The following BOC variants were observed in gnomAD, a reference collection of about 807,000 sequenced individuals.
BOC encodes brother of CDO.
BOC carries 76 observed loss-of-function variants against 112.0 expected under a neutral mutation model. The observed-to-expected ratio is 0.68, with a 90% CI of 0.56 to 0.82. The LOEUF is 0.82. Ranked by LOEUF, BOC falls within the 40% of genes least tolerant of loss-of-function variation. The pLI, the probability that BOC is intolerant of heterozygous loss-of-function variation, is 0.00. For missense variants in BOC, 1,309 were observed against 1,511.7 expected, an observed-to-expected ratio of 0.87 and a Z score of 2.22; for synonymous variants, 580 against 599.8, an observed-to-expected ratio of 0.97 and a Z score of 0.48.
At chr3:113,270,671 C>A in intron 5 of BOC, 130 bp from the exon 6 acceptor site, 1 of 1,031,460 alleles carries the variant, frequency 9.7e-7, no homozygotes, top group Non-Finnish European at 1.4e-6. Context: ...TGTGGGGACT[C>A]AGGTGGACAT....
intron 2 of BOC, among the ~76,000 whole-genome samples, chr3:113,244,504 G>T (rs190140355): frequency 2.6e-5 from 4 of 152,210 alleles, no homozygotes; most frequent in Non-Finnish European, 5.9e-5. Context: ...CCAGATATTA[G>T]TCTAGAACTG....
At position 113,231,216 on chromosome 3, in the gene BOC, C is replaced by T. The variant is rs1422924849; in HGVS notation, c.-82+14942C>T. ...GGAGATAGCTTTTTTTCAAATTTGC[C>T]TTTTTAATTACAAAAGCGATGCTAC... On this transcript the variant is annotated intron_variant, in intron 2 of 19. Transcript: ENST00000682979. 2.6e-5 allele frequency among the ~76,000 whole-genome samples: 4 copies of T among 151,982 alleles called. 1 individual carries two copies. Among genetic ancestry groups the T allele is most frequent in the African/African-American group, 9.7e-5 (4 of 41,378 alleles).
At chr3:113,266,440 T>G (rs1266992435) in intron 4 of BOC, among the ~76,000 whole-genome samples, 3 of 152,334 alleles carry the variant, frequency 2.0e-5, no homozygotes, top group Middle Eastern at 6.8e-3. Flanking sequence ...CAAGAAACAT[T>G]GTATTTGCAA....
chr3:113,237,142 G>A (rs530174825), intron 2 of BOC, among the ~76,000 whole-genome samples: 7 of 152,248 alleles, frequency 4.6e-5, no homozygotes, highest in Non-Finnish European at 2.9e-5. Flanking sequence ...CTTAAGTGAT[G>A]GAACATCAGG....
chr3:113,263,429 T>G (rs528730394), intron 4 of BOC, among the ~76,000 whole-genome samples: 5 of 152,348 alleles, frequency 3.3e-5, no homozygotes, highest in African/African-American at 1.2e-4. Flanking sequence ...TATTGGTAAC[T>G]CCATGAAGCA....
chr3:113,239,110 CAA>C (rs2107794305), intron 2 of BOC, among the ~76,000 whole-genome samples: 1 of 152,190 alleles, frequency 6.6e-6, no homozygotes, highest in Admixed American at 6.5e-5. Context: ...CAGCATCAAA[CAA>C]AGTGTAAAAA....
intron 2 of BOC, among the ~76,000 whole-genome samples, chr3:113,221,062 G>A (rs182181740): frequency 6.6e-6 from 1 of 152,328 alleles, no homozygotes; most frequent in East Asian, 1.9e-4. Flanking sequence ...AACCAGACAA[G>A]CCTGGGTTTC....
At chr3:113,242,855 G>GA (rs34127652) in intron 2 of BOC, among the ~76,000 whole-genome samples, 1 of 152,044 alleles carries the variant, frequency 6.6e-6, no homozygotes, top group Non-Finnish European at 1.5e-5. Flanking sequence ...GTGCCAAGGG[G>GA]AAAAAATATA....
At chr3:113,271,109 T>C in intron 6 of BOC, 165 bp downstream of exon 6, 1 of 1,026,906 alleles carries the variant, frequency 9.7e-7, no homozygotes, top group Non-Finnish European at 1.5e-6. Flanking sequence ...AGGGATTCTC[T>C]CCCCTCTGGC....
chr3:113,272,392 C>A lies in BOC; in HGVS notation c.668-18C>A, dbSNP rs754040037. 3.1e-6 allele frequency: 5 copies of A among 1,609,424 alleles called. No individual in the cohort carries two copies. The East Asian group carries it at 8.9e-5, about 29-fold the overall frequency. Reference sequence around the variant, plus strand: ...CTGGTCCACACGCCTTCTGTCCTTGCCCTCCTTGCCCCTCCAGGCTCCACC... The same window carrying A: ...CTGGTCCACACGCCTTCTGTCCTTGACCTCCTTGCCCCTCCAGGCTCCACC... On this transcript the variant is annotated intron_variant, in intron 6 of 19. Transcript: ENST00000682979.
rs1295155905 is a variant in BOC at position 113,250,737 on chromosome 3, A to C, written c.280A>C (p.Thr94Pro). Residue 94 changes from threonine to proline, a missense_variant, in exon 4 of 20, where the codon ACT becomes CCT. Thr to Pro is a conservative substitution (Grantham distance 38). Transcript: ENST00000682979. ...CATCACCCACGGGACCCTCGTCATC[A>C]CTGCCCTTAACAACCACACTGTGGG... ...VLITHGTLVI[T>P]ALNNHTVGRY... The C allele has an allele frequency of 1.2e-6, 2 of 1,614,102 alleles. No homozygotes were observed. Among genetic ancestry groups the C allele is most frequent in the South Asian group, 2.2e-5 (2 of 91,070 alleles).
At chr3:113,215,447 C>G (rs1939172232) in intron 1 of BOC, among the ~76,000 whole-genome samples, 1 of 152,184 alleles carries the variant, frequency 6.6e-6, no homozygotes, top group South Asian at 2.1e-4. Flanking sequence ...AACCACTGAA[C>G]TAATCTATTC....
intron 3 of BOC, among the ~76,000 whole-genome samples, chr3:113,250,221 G>C (rs1945444683): frequency 6.6e-6 from 1 of 152,226 alleles, no homozygotes; most frequent in South Asian, 2.1e-4. Context: ...TGACAACCTT[G>C]TGAGACAATC....
chr3:113,256,657 A>C (rs1293859900), intron 4 of BOC, among the ~76,000 whole-genome samples: 1 of 152,232 alleles, frequency 6.6e-6, no homozygotes, highest in Admixed American at 6.5e-5. Flanking sequence ...TCCATAGTCC[A>C]TTAAGGACCA....
chr3:113,274,498 C>G lies in BOC; in HGVS notation c.1358C>G (p.Thr453Arg). The part of the protein sequence containing the change: ...RGQPALPRPP[T>R]SVGPASPQCP... The stretch of plus-strand genomic sequence containing the variant: ...CAACCGGCGCTCCCCAGACCCCCAA[C>G]GTCAGTGGGGCCTGCTTCCCCGCAG... Residue 453 changes from threonine (T) to arginine (R), a missense_variant, in exon 9 of 20, where the codon ACG becomes AGG. Physicochemically the swap from Thr to Arg is moderately conservative, Grantham distance 71. Transcript: ENST00000682979. This position sits in a 1 kb window ranked among gnomAD's most constrained non-coding sequence, Gnocchi z 4.8. 2 of 1,612,974 alleles carry G rather than the reference C, an allele frequency of 1.2e-6. No homozygotes were observed. The highest frequency in any genetic ancestry group is 1.7e-6 in the Non-Finnish European group (2 of 1,179,492).
Position 113,250,771 on chromosome 3 carries a change from A to C in BOC, c.314A>C (p.Gln105Pro). Reference sequence around the variant, plus strand: ...AACAACCACACTGTGGGACGGTACCAGTGTGTGGCCCGGATGCCTGCGGGG... The same window carrying C: ...AACAACCACACTGTGGGACGGTACCCGTGTGTGGCCCGGATGCCTGCGGGG... The part of the protein sequence containing the change: ...ALNNHTVGRY[Q>P]CVARMPAGAV... The change falls in exon 4 of 20, where the codon CAG (glutamine) becomes CCG (proline). Residue 105 changes from glutamine to proline, a missense_variant. Physicochemically the swap from Gln to Pro is moderately conservative, Grantham distance 76. Coordinates refer to ENST00000682979, the MANE Select transcript of BOC (RefSeq NM_001378074.1). 10 of 1,614,100 alleles carry C rather than the reference A, an allele frequency of 6.2e-6. No individual in the cohort carries two copies. Among genetic ancestry groups the C allele is most frequent in the Non-Finnish European group, 8.5e-6 (10 of 1,180,014 alleles).
chr3:113,253,308 A>C (rs965933948), intron 4 of BOC, among the ~76,000 whole-genome samples: 1 of 152,176 alleles, frequency 6.6e-6, no homozygotes, highest in Non-Finnish European at 1.5e-5. Context: ...ATCAGAGATA[A>C]TTATTACAAT....
chr3:113,263,161 T>C (rs1045288334), intron 4 of BOC, among the ~76,000 whole-genome samples: 16 of 152,172 alleles, frequency 1.1e-4, no homozygotes, highest in African/African-American at 3.6e-4. Flanking sequence ...AGTTGGGGAA[T>C]AGAATTATCC....
chr3:113,284,395 T>G lies in BOC; in HGVS notation c.2717T>G (p.Met906Arg). 6.2e-7 allele frequency: 1 copy of G among 1,614,234 alleles called. No homozygotes were observed. Among genetic ancestry groups the G allele is most frequent in the Non-Finnish European group, 8.5e-7 (1 of 1,180,030 alleles). The stretch of plus-strand genomic sequence containing the variant: ...CTTCCACCCTCCTGCCCGTATACTA[T>G]GGTGCCATTGGGAGGACTCCCAGGC... ...SALPPSCPYT[M>R]VPLGGLPGHQ... Residue 906 changes from methionine to arginine, a missense_variant, in exon 17 of 20, where the codon ATG becomes AGG. Physicochemically the swap from Met to Arg is moderately conservative, Grantham distance 91. Coordinates refer to ENST00000682979, the MANE Select transcript of BOC (RefSeq NM_001378074.1).
Sources: allele counts gnomAD v4.1 joint callset (sites outside exome capture counted in the v4.1 genomes callset), GRCh38; gene constraint gnomAD v4.1.1; non-coding constraint Gnocchi (gnomAD v3.1); transcripts MANE v1.5; gene names NCBI Gene and HGNC (gene_info 2026-07-23, HGNC 2026-07-21).